TTYH2: variants seen among roughly 807,000 people sequenced by gnomAD.
TTYH2 encodes protein tweety homolog 2.
In TTYH2, 49 loss-of-function variants were observed where a neutral mutation model predicts 68.3. The ratio of observed to expected loss-of-function variants is 0.72; its 90% CI spans 0.57 to 0.91. The LOEUF is 0.91. Among genes scored for constraint, TTYH2 ranks in the 40% least tolerant of loss-of-function variants. The pLI is 0.00. For missense variants in TTYH2, 631 were observed against 700.4 expected (o/e 0.90, Z 1.12); for synonymous variants, 272 against 300.8 (o/e 0.90, Z 0.99).
At chr17:74,244,988 G>A (rs1016518629) in intron 6 of TTYH2, among the ~76,000 whole-genome samples, 1 of 152,122 alleles carries the variant, frequency 6.6e-6, no homozygotes, top group African/African-American at 2.4e-5. Context: ...ACTAACCCTG[G>A]GACATGCATC....
intron 4 of TTYH2, among the ~76,000 whole-genome samples, chr17:74,240,388 G>A (rs1385483706): frequency 1.3e-5 from 2 of 151,668 alleles, no homozygotes; most frequent in African/African-American, 2.4e-5. Context: ...GCAGTGAGCC[G>A]AGATTGCGCC....
intron 6 of TTYH2, among the ~76,000 whole-genome samples, chr17:74,245,533 C>T (rs984088733): frequency 6.6e-6 from 1 of 152,238 alleles, no homozygotes; most frequent in African/African-American, 2.4e-5. Flanking sequence ...AGTGGGGGCT[C>T]CTCCCTCTCA....
chr17:74,260,007 G>A, intron 13 of TTYH2, 122 bp from the exon 14 acceptor site: 1 of 806,808 alleles, frequency 1.2e-6, no homozygotes, highest in Non-Finnish European at 2.1e-6. Flanking sequence ...GTGGGGTGGA[G>A]GCACGGCCGG....
At chr17:74,228,183 C>T (rs973030846) in intron 2 of TTYH2, among the ~76,000 whole-genome samples, 1 of 151,908 alleles carries the variant, frequency 6.6e-6, no homozygotes, top group African/African-American at 2.4e-5. Context: ...GGGGTTTCGC[C>T]ATGTTGGCCA....
Position 74,230,879 on chromosome 17 carries a change from T to G in TTYH2, c.303-9T>G, listed in dbSNP as rs148119356. ...CACCTCTAACCTCTGTTTGGGATCT[T>G]GCTTATAGTGCTGCGGTGGGCGTTG... is the stretch of plus-strand genomic sequence containing the variant. On this transcript the variant is annotated splice_polypyrimidine_tract_variant and intron_variant, in intron 2 of 13. Transcript: ENST00000269346. 2.8e-4 allele frequency: 456 copies of G among 1,613,948 alleles called. No homozygotes were observed. The African/African-American group carries it at 5.6e-3, about 20-fold the overall frequency.
Position 74,215,048 on chromosome 17 carries a change from C to T in TTYH2, c.129+1332C>T, listed in dbSNP as rs981933686. Among the ~76,000 whole-genome samples, 9 of 152,038 alleles carry T rather than the reference C, an allele frequency of 5.9e-5. No homozygotes were observed. The highest frequency in any genetic ancestry group is 1.9e-4 in the African/African-American group (8 of 41,406). On this transcript the variant is annotated intron_variant, in intron 1 of 13. Transcript: ENST00000269346. This position sits in a 1 kb window ranked among gnomAD's most constrained non-coding sequence, Gnocchi z 4.3. Reference sequence around the variant, plus strand: ...GCAGTCGGTGGACCCACCCCCCTCCCCCAGAGCCCAGCCTGTGGGAGTCTG... The same window carrying T: ...GCAGTCGGTGGACCCACCCCCCTCCTCCAGAGCCCAGCCTGTGGGAGTCTG...
chr17:74,250,297 C>T lies in TTYH2; in HGVS notation c.1056C>T (p.Asn352=). ...EDLLAIQLLL[N]SSESSLHQLT... is the part of the protein sequence containing the mutation. ...TGCTTGCAATCCAGCTCCTGCTGAA[C>T]TCCTCAGAGTCCAGCCTTCACCAGC... Residue 352 remains asparagine (N), a synonymous_variant, in exon 10 of 14, where the codon AAC becomes AAT. Coordinates refer to ENST00000269346, the MANE Select transcript of TTYH2 (RefSeq NM_032646.6). The T allele has an allele frequency of 6.2e-7, 1 of 1,613,740 alleles. No homozygotes were observed. Among genetic ancestry groups the T allele is most frequent in the Non-Finnish European group, 8.5e-7 (1 of 1,179,858 alleles).
intron 4 of TTYH2, among the ~76,000 whole-genome samples, chr17:74,238,749 C>G (rs2050469816): frequency 6.6e-6 from 1 of 150,640 alleles, no homozygotes; most frequent in South Asian, 2.2e-4. Flanking sequence ...TGCCTGTAAT[C>G]CCAGCTACTT....
At position 74,217,432 on chromosome 17, in the gene TTYH2, C is replaced by CGGAA. The variant is rs1433907853; in HGVS notation, c.129+3717_129+3720dup. On this transcript the variant is annotated intron_variant, in intron 1 of 13. Coordinates refer to ENST00000269346, the MANE Select transcript of TTYH2 (RefSeq NM_032646.6). The surrounding 1 kb of genome is among the most constrained non-coding windows in gnomAD (Gnocchi z 4.0). ...GAGGGTACACAGTTGGGGACTGGAC[C>CGGAA]GGAACTACAGGACTTCCTGCTTCTG... Among the ~76,000 whole-genome samples, 1 of 152,140 alleles carries CGGAA rather than the reference C, an allele frequency of 6.6e-6. No individual in the cohort carries two copies. Among genetic ancestry groups the CGGAA allele is most frequent in the Non-Finnish European group, 1.5e-5 (1 of 68,016 alleles).
Position 74,228,592 on chromosome 17 carries a change from A to T in TTYH2, c.303-2296A>T, listed in dbSNP as rs181896592. 3.0e-4 allele frequency among the ~76,000 whole-genome samples: 45 copies of T among 152,352 alleles called. No individual in the cohort carries two copies. In the East Asian group the frequency reaches 8.5e-3, roughly 29 times the overall value. ...TAGATTTAAAGTTCTGCTTTTGGTT[A>T]AAACAACACAAAAATCAATACAGCA... On this transcript the variant is annotated intron_variant, in intron 2 of 13. Coordinates refer to ENST00000269346, the MANE Select transcript of TTYH2 (RefSeq NM_032646.6).
rs930485818 is a variant in TTYH2 at position 74,232,197 on chromosome 17, T to G, written c.414+1198T>G. 6.6e-6 allele frequency among the ~76,000 whole-genome samples: 1 copy of G among 152,180 alleles called. No homozygotes were observed. The highest frequency in any genetic ancestry group is 2.4e-5 in the African/African-American group (1 of 41,446). On this transcript the variant is annotated intron_variant, in intron 3 of 13. Transcript: ENST00000269346. The surrounding 1 kb of genome is among the most constrained non-coding windows in gnomAD (Gnocchi z 5.1). The stretch of plus-strand genomic sequence containing the variant: ...CCTCCAGAAGAGGATTGGACCCCAT[T>G]TGCCCCCCTCCTGCTCCCTTAAGCT...
At chr17:74,219,114 G>T (rs1224064493) in intron 1 of TTYH2, among the ~76,000 whole-genome samples, 6 of 152,060 alleles carry the variant, frequency 3.9e-5, no homozygotes, top group Non-Finnish European at 8.8e-5. Flanking sequence ...CTACTCAGGA[G>T]GCTGAGGCAG....
chr17:74,228,524 T>G (rs2050355388), intron 2 of TTYH2, among the ~76,000 whole-genome samples: 1 of 152,236 alleles, frequency 6.6e-6, no homozygotes, highest in African/African-American at 2.4e-5. Context: ...TTGTTCATGC[T>G]GGAATGTTGG....
chr17:74,229,862 G>A (rs2050369531), intron 2 of TTYH2, among the ~76,000 whole-genome samples: 1 of 152,248 alleles, frequency 6.6e-6, no homozygotes. Flanking sequence ...CAGGTGCAGT[G>A]GCTCACGCCT....
Position 74,260,304 on chromosome 17 carries a change from G to A in TTYH2, c.*95G>A. On this transcript the variant is annotated 3_prime_UTR_variant, in exon 14 of 14. Transcript: ENST00000269346. ...TCTTTAATAGAAACCAAAGGCATCT[G>A]GAGCCCGAGAGGCCTCCTGCTGTGG... 1.5e-6 allele frequency: 2 copies of A among 1,351,122 alleles called. No homozygotes were observed. The highest frequency in any genetic ancestry group is 2.1e-6 in the Non-Finnish European group (2 of 955,600). 83.7% of individuals were successfully genotyped at this position (1,351,122 alleles called of 1,614,324 possible). A position where few individuals can be genotyped will look rare whatever the true frequency, so the allele number is the denominator to read the frequency against.
chr17:74,244,408 A>G (rs1375591542), intron 6 of TTYH2, among the ~76,000 whole-genome samples: 3 of 152,078 alleles, frequency 2.0e-5, no homozygotes, highest in Non-Finnish European at 4.4e-5. Context: ...GTCTCCTGAG[A>G]ATGGGTAGGG....
intron 2 of TTYH2, among the ~76,000 whole-genome samples, chr17:74,225,547 C>T (rs531513540): frequency 2.0e-4 from 30 of 152,234 alleles, no homozygotes; most frequent in African/African-American, 5.5e-4. Context: ...AAGTGGCCAC[C>T]GGGTGACCGA....
Position 74,222,413 on chromosome 17 carries a change from C to A in TTYH2, c.130-72C>A. 6.7e-7 allele frequency: 1 copy of A among 1,500,290 alleles called. No individual in the cohort carries two copies. The highest frequency in any genetic ancestry group is 8.9e-7 in the Non-Finnish European group (1 of 1,122,158). 92.9% of individuals were successfully genotyped at this position (1,500,290 alleles called of 1,614,324 possible). On this transcript the variant is annotated intron_variant, in intron 1 of 13. Transcript: ENST00000269346. The surrounding 1 kb of genome is among the most constrained non-coding windows in gnomAD (Gnocchi z 5.2). The stretch of plus-strand genomic sequence containing the variant: ...CTCAGGCAGTGGGGCACTCAGGGCC[C>A]AAGGGCAGGGCACTTCCAGAGCCCC...
chr17:74,220,647 T>C (rs1229693114), intron 1 of TTYH2, among the ~76,000 whole-genome samples: 2 of 152,192 alleles, frequency 1.3e-5, no homozygotes, highest in African/African-American at 4.8e-5. Context: ...ATCCCTGGGC[T>C]TGCTGGGGTC....
Sources: gnomAD v4.1 joint callset for allele counts (sites outside exome capture counted in the v4.1 genomes callset) on GRCh38, gnomAD v4.1.1 for gene constraint, Gnocchi (gnomAD v3.1) non-coding constraint, MANE v1.5 for transcripts, NCBI Gene and HGNC (gene_info 2026-07-23, HGNC 2026-07-21) for gene names.